TENM1: variants seen among roughly 807,000 people sequenced by gnomAD.
The protein encoded by TENM1 is teneurin-1.
In TENM1, 35 loss-of-function variants were observed where a neutral mutation model predicts 174.8. The observed-to-expected ratio is 0.20, with a 90% CI of 0.15 to 0.27. The LOEUF (loss-of-function observed/expected upper bound fraction) is 0.27. TENM1 is among the 10% of genes least tolerant of loss of function. The probability of loss-of-function intolerance (pLI) is 1.00; values close to 1 mark genes in which losing one functional copy is unlikely to be tolerated. For missense variants in TENM1, 1,633 were observed against 2,130.1 expected (o/e 0.77, Z 4.59); for synonymous variants, 781 against 798.7 (o/e 0.98, Z 0.37).
chrX:124,601,023 G>A (rs2050014653), intron 11 of TENM1, among the ~76,000 whole-genome samples: 1 of 111,718 alleles, frequency 9.0e-6, no homozygotes, highest in African/African-American at 3.3e-5. Flanking sequence ...ACACAATAAA[G>A]AATTTGGGAG....
chrX:124,444,852 C>T (rs781198640), intron 23 of TENM1, among the ~76,000 whole-genome samples: 2 of 110,997 alleles, frequency 1.8e-5, no homozygotes, highest in South Asian at 7.7e-4. Context: ...GGGAATGTGA[C>T]TTAAGAGGCA....
intron 22 of TENM1, among the ~76,000 whole-genome samples, chrX:124,468,676 T>C (rs2061267175): frequency 8.9e-6 from 1 of 111,836 alleles, no homozygotes; most frequent in South Asian, 3.7e-4. Context: ...TTTTTGTGCT[T>C]TAAAAATTTA....
intron 3 of TENM1, among the ~76,000 whole-genome samples, chrX:124,798,064 G>A (rs1475493548): frequency 1.8e-5 from 2 of 111,480 alleles, no homozygotes; most frequent in Non-Finnish European, 3.8e-5. Context: ...CCATATATGT[G>A]CCACATTTTC....
intron 1 of TENM1, among the ~76,000 whole-genome samples, chrX:124,932,646 G>A (rs2058188424): frequency 9.0e-6 from 1 of 111,553 alleles, no homozygotes; most frequent in Admixed American, 9.5e-5. Context: ...AGGATGAATA[G>A]GATTTGGAAA....
At chrX:124,602,746 G>A (rs936171373) in intron 11 of TENM1, among the ~76,000 whole-genome samples, 1 of 110,813 alleles carries the variant, frequency 9.0e-6, no homozygotes, top group African/African-American at 3.3e-5. Flanking sequence ...GAGATAAAAT[G>A]ATACAACCCT....
chrX:124,721,698 T>C (rs1436429209), intron 4 of TENM1, among the ~76,000 whole-genome samples: 1 of 112,014 alleles, frequency 8.9e-6, no homozygotes, highest in African/African-American at 3.2e-5. Flanking sequence ...CAACACCAAA[T>C]CTTGCTCCAA....
intron 3 of TENM1, among the ~76,000 whole-genome samples, chrX:124,801,473 G>C (rs1273567710): frequency 9.0e-6 from 1 of 111,622 alleles, no homozygotes; most frequent in Non-Finnish European, 1.9e-5. Flanking sequence ...TTGAGTCTAT[G>C]TGTGTCTTTG....
At chrX:124,383,513 T>G (rs769631019) in intron 30 of TENM1, 121 bp downstream of exon 33, 3 of 662,283 alleles carry the variant, frequency 4.5e-6, no homozygotes, top group Admixed American at 6.2e-5. Flanking sequence ...AAATGCACAA[T>G]AACTTGCGGG....
the TENM1 span, among the ~76,000 whole-genome samples, chrX:125,103,133 CAACT>C: frequency 3.1e-4 from 35 of 112,143 alleles, no homozygotes; most frequent in Non-Finnish European, 5.8e-4. Context: ...AAAATGTTTA[CAACT>C]ATAAGGCAAA....
At chrX:124,561,915 C>T (rs911886537) in intron 13 of TENM1, 98 bp from the exon 17 acceptor site, 2 of 879,927 alleles carry the variant, frequency 2.3e-6, no homozygotes, top group African/African-American at 4.0e-5. Flanking sequence ...ACCATCTGGG[C>T]CCCATTCAGA....
the TENM1 span, among the ~76,000 whole-genome samples, chrX:125,080,020 A>G: frequency 1.8e-5 from 2 of 110,243 alleles, no homozygotes; most frequent in Non-Finnish European, 3.8e-5. Context: ...TGATTGCCGC[A>G]GCTCTGATAT....
chrX:125,029,742 T>C, the TENM1 span, among the ~76,000 whole-genome samples: 1 of 111,727 alleles, frequency 9.0e-6, no homozygotes, highest in African/African-American at 3.3e-5. Flanking sequence ...AGGCATCATT[T>C]AGAAGGCCAA....
At chrX:124,564,506 G>C (rs56126320) in intron 12 of TENM1, among the ~76,000 whole-genome samples, 2,995 of 110,989 alleles carry the variant, frequency 0.027, 57 homozygotes, top group Middle Eastern at 0.064. Context: ...AATTTTCTGT[G>C]TAGTCAAGGA....
chrX:124,672,492 G>C (rs1352386909), intron 5 of TENM1, among the ~76,000 whole-genome samples: 1 of 111,406 alleles, frequency 9.0e-6, no homozygotes, highest in Non-Finnish European at 1.9e-5. Context: ...CTCCTGATGA[G>C]AGTATAAAAA....
At chrX:124,676,268 ATATATAT>A (rs1249603298) in intron 5 of TENM1, among the ~76,000 whole-genome samples, 4 of 12,535 alleles carry the variant, frequency 3.2e-4, no homozygotes, top group African/African-American at 5.5e-4. Flanking sequence ...ATATATATAT[ATATATAT>A]ATATATATAT....
the TENM1 span, among the ~76,000 whole-genome samples, chrX:125,093,726 C>A: frequency 1.3e-4 from 14 of 111,954 alleles, no homozygotes; most frequent in East Asian, 4.0e-3. Flanking sequence ...TTTCTGACTA[C>A]AAAGTCCCAG....
chrX:124,408,121 T>C (rs1905412087), intron 25 of TENM1, among the ~76,000 whole-genome samples: 1 of 110,731 alleles, frequency 9.0e-6, no homozygotes, highest in Non-Finnish European at 1.9e-5. Context: ...AGAAAAACAA[T>C]AATATCCAGC....
intron 3 of TENM1, among the ~76,000 whole-genome samples, chrX:124,811,874 GC>G (rs1475620383): frequency 9.0e-6 from 1 of 111,141 alleles, no homozygotes; most frequent in East Asian, 2.8e-4. Context: ...ACATGGATGA[GC>G]CTGCAGGACA....
intron 3 of TENM1, among the ~76,000 whole-genome samples, chrX:124,861,754 T>C (rs1389070944): frequency 8.9e-6 from 1 of 112,513 alleles, no homozygotes; most frequent in Non-Finnish European, 1.9e-5. Context: ...TTGACAATTT[T>C]GATCAACTTG....
Sources: allele counts gnomAD v4.1 joint callset (sites outside exome capture counted in the v4.1 genomes callset), GRCh38; gene constraint gnomAD v4.1.1; transcripts MANE v1.5; gene names NCBI Gene and HGNC (gene_info 2026-07-23, HGNC 2026-07-21).